Variants in SMC3 observed in about 807,000 individuals in gnomAD.
SMC3 encodes structural maintenance of chromosomes protein 3.
In SMC3, 20 loss-of-function variants were observed where a neutral mutation model predicts 171.8. The observed-to-expected ratio is 0.12, with a 90% CI of 0.08 to 0.17. The LOEUF (loss-of-function observed/expected upper bound fraction) is 0.17. SMC3 is among the 10% of genes least tolerant of loss of function. SMC3 has a pLI of 1.00. For missense variants in SMC3, 543 were observed against 1,420.4 expected, an observed-to-expected ratio of 0.38 and a Z score of 9.93; for synonymous variants, 464 against 451.1, an observed-to-expected ratio of 1.03 and a Z score of -0.36.
intron 19 of SMC3, among the ~76,000 whole-genome samples, chr10:110,597,316 T>C (rs1030801602): frequency 1.3e-5 from 2 of 152,044 alleles, no homozygotes; most frequent in African/African-American, 4.8e-5. Context: ...GAGTGGTTAG[T>C]TCAGTTCACA....
rs772054350 is a variant in SMC3, at chr10:110,605,115, T to A, written c.*813T>A. Reference sequence around the variant, plus strand: ...AGCTAATACCACAGAAGCGAAGTATTCTCATTACCTCATATAATAGTACAT... The same window carrying A: ...AGCTAATACCACAGAAGCGAAGTATACTCATTACCTCATATAATAGTACAT... On this transcript the variant is annotated 3_prime_UTR_variant, in exon 29 of 29. Coordinates refer to ENST00000361804, the MANE Select transcript of SMC3 (RefSeq NM_005445.4). Among the ~76,000 whole-genome samples, 9 of 152,154 alleles carry A rather than the reference T, an allele frequency of 5.9e-5. No homozygotes were observed. Among genetic ancestry groups the A allele is most frequent in the Admixed American group, 3.9e-4 (6 of 15,274 alleles).
Position 110,603,197 on chromosome 10 carries a change from A to G in SMC3, c.3489A>G (p.Glu1163=), listed in dbSNP as rs1385289551. The change falls in exon 28 of 29, where the codon GAA becomes GAG. Residue 1163 remains glutamate, a synonymous_variant. Transcript: ENST00000361804. ...TTCTTTTTACAGATATGATTATGGA[A>G]CTTGCTGTACATGCTCAGTTTATTA... is the stretch of plus-strand genomic sequence containing the variant. ...HRKAVSDMIM[E]LAVHAQFITT... is the part of the protein sequence containing the mutation. 2 of 1,606,132 alleles carry G rather than the reference A, an allele frequency of 1.2e-6. No individual in the cohort carries two copies. Among genetic ancestry groups the G allele is most frequent in the East Asian group, 4.5e-5 (2 of 44,802 alleles).
chr10:110,575,712 G>A (rs900166949), intron 4 of SMC3, among the ~76,000 whole-genome samples: 3 of 152,174 alleles, frequency 2.0e-5, no homozygotes, highest in African/African-American at 7.2e-5. Flanking sequence ...GTGAAATTTA[G>A]CCTAACATGT....
chr10:110,574,603 G>C (rs1182613698), intron 3 of SMC3, among the ~76,000 whole-genome samples: 1 of 152,224 alleles, frequency 6.6e-6, no homozygotes, highest in African/African-American at 2.4e-5. Context: ...CTCCAGGGCA[G>C]TGTGAAGTCT....
At chr10:110,596,648 T>G (rs1258753368) in intron 19 of SMC3, 98 bp downstream of exon 19, 4 of 1,174,496 alleles carry the variant, frequency 3.4e-6, no homozygotes, top group African/African-American at 1.6e-5. Context: ...TATTAAAAAT[T>G]TCTTGTGTTT....
intron 21 of SMC3, 74 bp downstream of exon 21, chr10:110,599,886 A>G: frequency 7.6e-7 from 1 of 1,320,428 alleles, no homozygotes; most frequent in Non-Finnish European, 1.1e-6. Context: ...CTTGCTAACT[A>G]GGGCAATATG....
At chr10:110,569,713 T>TA (rs1457517962) in intron 2 of SMC3, among the ~76,000 whole-genome samples, 4 of 152,212 alleles carry the variant, frequency 2.6e-5, no homozygotes, top group Non-Finnish European at 5.9e-5. Context: ...GTGGAGATGA[T>TA]ACCTGTCTCA....
At chr10:110,574,623 G>A (rs1385403938) in intron 3 of SMC3, among the ~76,000 whole-genome samples, 2 of 152,184 alleles carry the variant, frequency 1.3e-5, no homozygotes, top group Non-Finnish European at 2.9e-5. Flanking sequence ...TCCTCACCTC[G>A]ACCTGTGTCC....
At chr10:110,593,514 G>T (rs939683201) in intron 18 of SMC3, among the ~76,000 whole-genome samples, 3 of 152,170 alleles carry the variant, frequency 2.0e-5, no homozygotes, top group Non-Finnish European at 4.4e-5. Context: ...AGTGGTTGCA[G>T]TGAGCCGAGA....
intron 13 of SMC3, among the ~76,000 whole-genome samples, chr10:110,585,961 C>T (rs913514174): frequency 1.3e-5 from 2 of 151,924 alleles, no homozygotes; most frequent in Non-Finnish European, 2.9e-5. Flanking sequence ...CCACGCCTGG[C>T]TAATTTTTTG....
At chr10:110,594,473 C>G (rs1430792327) in intron 18 of SMC3, among the ~76,000 whole-genome samples, 1 of 152,022 alleles carries the variant, frequency 6.6e-6, no homozygotes, top group African/African-American at 2.4e-5. Context: ...TTTTGGTAGT[C>G]ACAGATACTA....
At chr10:110,572,384 G>T (rs990269434) in intron 2 of SMC3, among the ~76,000 whole-genome samples, 5 of 152,122 alleles carry the variant, frequency 3.3e-5, no homozygotes, top group Non-Finnish European at 5.9e-5. Flanking sequence ...TCCAGTACAG[G>T]ATCTAATTTA....
In SMC3 at chr10:110,590,546, A is replaced by G. The variant is rs1052905445; in HGVS notation, c.1644A>G (p.Thr548=). 5 of 1,614,146 alleles carry G rather than the reference A, an allele frequency of 3.1e-6. No homozygotes were observed. The highest frequency in any genetic ancestry group is 4.5e-5 in the East Asian group (2 of 44,864). ...NNFECEPAFY[T]CVEVTAGNRL... ...TTGAATGTGAACCAGCTTTCTACAC[A>G]TGCGTGGAAGTCACTGCTGGAAACA... is the stretch of plus-strand genomic sequence containing the variant. Residue 548 remains threonine (T), a synonymous_variant, in exon 16 of 29, where the codon ACA becomes ACG. Coordinates refer to ENST00000361804, the MANE Select transcript of SMC3 (RefSeq NM_005445.4).
chr10:110,589,682 G>A lies in SMC3; in HGVS notation c.1383G>A (p.Lys461=), dbSNP rs765869313. ...LDRKYYEVKN[K]KDELQSERNY... is the part of the protein sequence containing the mutation. The stretch of plus-strand genomic sequence containing the variant: ...GAAAATATTACGAAGTAAAAAATAA[G>A]AAAGATGAACTACAAAGTGAAAGAA... Residue 461 remains lysine (K), a synonymous_variant, in exon 14 of 29, where the codon AAG becomes AAA. Transcript: ENST00000361804. The A allele has an allele frequency of 1.2e-6, 2 of 1,606,660 alleles. No individual in the cohort carries two copies. Among genetic ancestry groups the A allele is most frequent in the South Asian group, 2.2e-5 (2 of 90,650 alleles).
intron 13 of SMC3, among the ~76,000 whole-genome samples, chr10:110,585,544 C>T (rs1861099038): frequency 6.6e-6 from 1 of 151,854 alleles, no homozygotes; most frequent in Non-Finnish European, 1.5e-5. Flanking sequence ...CCACCTCAGC[C>T]TTCCTAAGTG....
chr10:110,602,365 T>G (rs911387767), intron 25 of SMC3, 109 bp from the exon 26 acceptor site: 8 of 1,043,094 alleles, frequency 7.7e-6, no homozygotes, highest in Non-Finnish European at 1.2e-5. Flanking sequence ...TCTAGTCTGT[T>G]ATCCTTGTTC....
In SMC3 at chr10:110,581,931, C is replaced by T. The variant is rs1861037421; in HGVS notation, c.556C>T (p.Arg186Trp). 6.2e-7 allele frequency: 1 copy of T among 1,612,838 alleles called. No individual in the cohort carries two copies. The highest frequency in any genetic ancestry group is 1.3e-5 in the African/African-American group (1 of 74,754). Residue 186 changes from arginine to tryptophan, a missense_variant, in exon 9 of 29, where the codon CGG (arginine) becomes TGG (tryptophan). Around this residue, in one of 8 missense-constraint regions of SMC3, gnomAD observed 146 missense variants for 437.9 expected, o/e 0.33. Coordinates refer to ENST00000361804, the MANE Select transcript of SMC3 (RefSeq NM_005445.4). ...TCCCCATTTCTTTTAAGAGGGCAAA[C>T]GGGAAAAAATCAATGAGTTGTTAAA... ...ISLMKETEGK[R>W]EKINELLKYI...
Position 110,604,369 on chromosome 10 carries a change from T to A in SMC3, c.*67T>A. 8.5e-7 allele frequency: 1 copy of A among 1,170,682 alleles called. No individual in the cohort carries two copies. The highest frequency in any genetic ancestry group is 1.3e-6 in the Non-Finnish European group (1 of 780,198). The allele number at this position is 1,170,682 out of a possible 1,614,324, so 72.5% of individuals were successfully genotyped here. On this transcript the variant is annotated 3_prime_UTR_variant, in exon 29 of 29. Coordinates refer to ENST00000361804, the MANE Select transcript of SMC3 (RefSeq NM_005445.4). ...ATATGATTCTCATACCCAGGAACTGTAAATTTAAACCTAAATATTTGGCCA... is the reference window on the plus strand; with the variant it reads ...ATATGATTCTCATACCCAGGAACTGAAAATTTAAACCTAAATATTTGGCCA...
In SMC3 at chr10:110,596,447, A is replaced by C; in HGVS notation, c.2013A>C (p.Thr671=). 1 of 1,614,100 alleles carries C rather than the reference A, an allele frequency of 6.2e-7. No homozygotes were observed. Residue 671 remains threonine (T), a synonymous_variant, in exon 19 of 29, where the codon ACA becomes ACC. Transcript: ENST00000361804. ...RGALTGGYYD[T]RKSRLELQKD... is the part of the protein sequence containing the mutation. Reference sequence around the variant, plus strand: ...CTCTAACTGGGGGTTATTATGACACAAGGAAGTCTCGACTTGAATTGCAAA... The same window carrying C: ...CTCTAACTGGGGGTTATTATGACACCAGGAAGTCTCGACTTGAATTGCAAA...
Sources: allele counts gnomAD v4.1 joint callset (sites outside exome capture counted in the v4.1 genomes callset), GRCh38; gene constraint gnomAD v4.1.1; regional missense constraint gnomAD v4.1.1; transcripts MANE v1.5; gene names NCBI Gene and HGNC (gene_info 2026-07-23, HGNC 2026-07-21).